Variants in ADCY8 observed in about 807,000 individuals in gnomAD.
ADCY8 encodes adenylate cyclase 8, also known as adenylate cyclase type 8.
A neutral mutation model predicts 119.7 loss-of-function variants in ADCY8; 51 were observed. The observed-to-expected ratio is 0.43, with a 90% confidence interval of 0.34 to 0.54. ADCY8 has a LOEUF of 0.54. Ranked by LOEUF, ADCY8 falls within the 20% of genes least tolerant of loss-of-function variation. The probability of loss-of-function intolerance (pLI) is 0.03; values close to 1 mark genes in which losing one functional copy is unlikely to be tolerated. For synonymous variants in ADCY8, 665 were observed against 651.0 expected (o/e 1.02, Z -0.33); for missense variants, 1,383 against 1,598.8 (o/e 0.87, Z 2.30).
At position 130,973,531 on chromosome 8, in the gene ADCY8, T is replaced by C. The variant is rs576644035; in HGVS notation, c.1110+16862A>G. On this transcript the variant is annotated intron_variant, in intron 2 of 17. Coordinates refer to ENST00000286355, the MANE Select transcript of ADCY8 (RefSeq NM_001115.3). ...TAGGCATGTGAGTGAGGCTGCCCTA[T>C]ACCATCCAGCAGCCAGAGTCAGCAG... 2.0e-5 allele frequency among the ~76,000 whole-genome samples: 3 copies of C among 152,338 alleles called. No homozygotes were observed. In the South Asian group the frequency reaches 6.2e-4, roughly 32 times the overall value.
intron 2 of ADCY8, among the ~76,000 whole-genome samples, chr8:130,953,817 G>T (rs904461534): frequency 6.6e-6 from 1 of 152,142 alleles, no homozygotes; most frequent in African/African-American, 2.4e-5. Context: ...CTTTATTAAT[G>T]AAATGCCCAT....
chr8:131,039,559 C>T lies in ADCY8; in HGVS notation c.775G>A (p.Ala259Thr). 1 of 1,613,806 alleles carries T rather than the reference C, an allele frequency of 6.2e-7. No homozygotes were observed. The highest frequency in any genetic ancestry group is 8.5e-7 in the Non-Finnish European group (1 of 1,180,016). ...AGGAGCCCGTAGCCGAGGCCTGCTG[C>T]CAGGATCTGGGTGGTCATGGCCACC... is the stretch of plus-strand genomic sequence containing the variant. ...TWVAMTTQIL[A>T]AGLGYGLLGD... Residue 259 changes from alanine to threonine, a missense_variant, in exon 1 of 18, where the codon GCA becomes ACA. Coordinates refer to ENST00000286355, the MANE Select transcript of ADCY8 (RefSeq NM_001115.3).
chr8:130,898,814 T>C (rs1819496281), intron 7 of ADCY8, among the ~76,000 whole-genome samples: 1 of 152,210 alleles, frequency 6.6e-6, no homozygotes, highest in South Asian at 2.1e-4. Flanking sequence ...TGGTATCTTC[T>C]TGAAAATCTG....
chr8:130,989,576 A>G (rs944713444), intron 2 of ADCY8, among the ~76,000 whole-genome samples: 2 of 152,222 alleles, frequency 1.3e-5, no homozygotes, highest in Non-Finnish European at 2.9e-5. Context: ...TTCCAAGAGC[A>G]TATATACTTA....
intron 10 of ADCY8, among the ~76,000 whole-genome samples, chr8:130,848,015 A>G (rs911375040): frequency 6.6e-6 from 1 of 152,216 alleles, no homozygotes; most frequent in Non-Finnish European, 1.5e-5. Context: ...AATAACTACC[A>G]TTGGCCAAAT....
intron 12 of ADCY8, among the ~76,000 whole-genome samples, chr8:130,835,460 T>C (rs1389384693): frequency 6.6e-6 from 1 of 152,204 alleles, no homozygotes; most frequent in Non-Finnish European, 1.5e-5. Context: ...CAGCAAAATG[T>C]AGTGGTAGCT....
At chr8:131,005,485 G>A (rs1823086052) in intron 1 of ADCY8, among the ~76,000 whole-genome samples, 1 of 152,126 alleles carries the variant, frequency 6.6e-6, no homozygotes, top group Non-Finnish European at 1.5e-5. Context: ...AGGATAACTT[G>A]GAGTTAACTG....
chr8:130,975,670 G>A (rs986339841), intron 2 of ADCY8, among the ~76,000 whole-genome samples: 1 of 152,292 alleles, frequency 6.6e-6, no homozygotes, highest in Non-Finnish European at 1.5e-5. Flanking sequence ...GCTGAAGCAC[G>A]TAAAGTTACA....
At chr8:130,848,086 G>T (rs1817388241) in intron 10 of ADCY8, among the ~76,000 whole-genome samples, 2 of 152,196 alleles carry the variant, frequency 1.3e-5, no homozygotes, top group African/African-American at 4.8e-5. Context: ...TGATGTAGCT[G>T]CTATTTTTAA....
chr8:130,834,621 CTA>C (rs1816930377), intron 12 of ADCY8, among the ~76,000 whole-genome samples: 1 of 152,116 alleles, frequency 6.6e-6, no homozygotes, highest in African/African-American at 2.4e-5. Flanking sequence ...CTAAATGTCT[CTA>C]TTAATAGGTC....
rs140826908 is a variant in ADCY8 at position 131,000,988 on chromosome 8, T to G, written c.961-10446A>C. On this transcript the variant is annotated intron_variant, in intron 1 of 17. Coordinates refer to ENST00000286355, the MANE Select transcript of ADCY8 (RefSeq NM_001115.3). ...GCATCGTAAAAAATAGTTACTTCAT[T>G]CAGTTAAGACGTTCATGGAGCATTT... Among the ~76,000 whole-genome samples the G allele has an allele frequency of 3.2e-3, 482 of 152,202 alleles. 7 individuals carry two copies. The highest frequency in any genetic ancestry group is 5.8e-3 in the East Asian group (30 of 5,166).
At chr8:130,976,375 T>C (rs1308339044) in intron 2 of ADCY8, among the ~76,000 whole-genome samples, 2 of 152,182 alleles carry the variant, frequency 1.3e-5, no homozygotes, top group Non-Finnish European at 2.9e-5. Flanking sequence ...TGTCGGAAGA[T>C]GCTAACACCT....
chr8:130,901,791 C>T lies in ADCY8; in HGVS notation c.1911+1981G>A, dbSNP rs546026825. ...GGCATCAAAATGAATTCAGATTTTT[C>T]GTGCTAAAGATGGCACAGATGGGTT... On this transcript the variant is annotated intron_variant, in intron 7 of 17. Coordinates refer to ENST00000286355, the MANE Select transcript of ADCY8 (RefSeq NM_001115.3). Among the ~76,000 whole-genome samples the T allele has an allele frequency of 3.9e-5, 6 of 152,102 alleles. No individual in the cohort carries two copies. In the East Asian group the frequency reaches 7.7e-4, roughly 20 times the overall value.
chr8:130,966,858 A>G (rs1821777728), intron 2 of ADCY8, among the ~76,000 whole-genome samples: 2 of 152,222 alleles, frequency 1.3e-5, no homozygotes, highest in African/African-American at 2.4e-5. Context: ...AGCATCTAGC[A>G]CATTGTAACC....
intron 6 of ADCY8, among the ~76,000 whole-genome samples, chr8:130,905,339 C>T (rs1406982896): frequency 1.3e-5 from 2 of 152,160 alleles, no homozygotes; most frequent in African/African-American, 4.8e-5. Flanking sequence ...TTCTGACACT[C>T]CTCTAATATA....
At position 131,000,785 on chromosome 8, in the gene ADCY8, G is replaced by A. The variant is rs763545578; in HGVS notation, c.961-10243C>T. 7.2e-5 allele frequency among the ~76,000 whole-genome samples: 11 copies of A among 151,814 alleles called. 1 individual carries two copies. The highest frequency in any genetic ancestry group is 1.3e-4 in the Non-Finnish European group (9 of 67,956). On this transcript the variant is annotated intron_variant, in intron 1 of 17. Transcript: ENST00000286355. ...GCTCGCCACATGCACCCTAGGATTC[G>A]GCCATTTTTACAGATCAGTTCTTGA...
At chr8:131,038,172 G>A (rs1824222840) in intron 1 of ADCY8, among the ~76,000 whole-genome samples, 1 of 152,146 alleles carries the variant, frequency 6.6e-6, no homozygotes, top group Non-Finnish European at 1.5e-5. Flanking sequence ...TAACAGTGCT[G>A]GCAATCTAAA....
intron 14 of ADCY8, among the ~76,000 whole-genome samples, chr8:130,808,312 G>T (rs998578885): frequency 2.6e-5 from 4 of 152,168 alleles, no homozygotes; most frequent in Non-Finnish European, 5.9e-5. Context: ...GGAAGGAATG[G>T]TTGAATGAAG....
chr8:131,001,759 T>C (rs1431733889), intron 1 of ADCY8, among the ~76,000 whole-genome samples: 1 of 152,078 alleles, frequency 6.6e-6, no homozygotes, highest in Admixed American at 6.5e-5. Flanking sequence ...TTTTCTATTT[T>C]ATTTCTGGAT....
Sources: gnomAD v4.1 joint callset for allele counts (sites outside exome capture counted in the v4.1 genomes callset) on GRCh38, gnomAD v4.1.1 for gene constraint, MANE v1.5 for transcripts, NCBI Gene and HGNC (gene_info 2026-07-23, HGNC 2026-07-21) for gene names.